STAU2: variants seen among roughly 807,000 people sequenced by gnomAD.
STAU2 encodes the protein double-stranded RNA-binding protein Staufen homolog 2.
A neutral mutation model predicts 65.9 loss-of-function variants in STAU2; 20 were observed. The observed-to-expected ratio is 0.30, with a 90% CI of 0.21 to 0.44. STAU2 has a LOEUF of 0.44. Ranked by LOEUF, STAU2 falls within the 20% of genes least tolerant of loss-of-function variation. STAU2 has a pLI of 1.00. For synonymous variants in STAU2, 232 were observed against 233.9 expected, an observed-to-expected ratio of 0.99 and a Z score of 0.07; for missense variants, 558 against 683.9, an observed-to-expected ratio of 0.82 and a Z score of 2.05.
chr8:73,610,825 G>A (rs557024944), intron 9 of STAU2, among the ~76,000 whole-genome samples: 2 of 152,286 alleles, frequency 1.3e-5, no homozygotes, highest in South Asian at 4.1e-4. Flanking sequence ...CATGTTAACA[G>A]GATAACCCTA....
chr8:73,658,954 AAC>A (rs1491378617), intron 6 of STAU2, among the ~76,000 whole-genome samples: 1 of 150,250 alleles, frequency 6.7e-6, no homozygotes, highest in East Asian at 2.0e-4. Context: ...AAAAAAAAAA[AAC>A]CAACCATACT....
chr8:73,747,242 C>A (rs1042707897), upstream of STAU2: 2 of 965,624 alleles, frequency 2.1e-6, no homozygotes, highest in Non-Finnish European at 1.5e-6. Context: ...TCCTCGTCCC[C>A]GGCGCGACTC....
chr8:73,559,158 T>C (rs897595306), intron 12 of STAU2, among the ~76,000 whole-genome samples: 1 of 152,226 alleles, frequency 6.6e-6, no homozygotes, highest in Non-Finnish European at 1.5e-5. Context: ...ACTATAGTTA[T>C]ATAAGACATC....
chr8:73,688,223 C>T (rs1195310885), intron 5 of STAU2, among the ~76,000 whole-genome samples: 2 of 148,512 alleles, frequency 1.3e-5, no homozygotes, highest in Non-Finnish European at 3.0e-5. Flanking sequence ...GTTGCCCAGG[C>T]TGGAGTGCAA....
At chr8:73,592,467 CCTAT>C (rs1193053422) in intron 11 of STAU2, among the ~76,000 whole-genome samples, 2 of 151,794 alleles carry the variant, frequency 1.3e-5, no homozygotes, top group Admixed American at 6.6e-5. Flanking sequence ...CCTAAGTAAC[CCTAT>C]CTATTTTTAA....
rs143763075 is a variant in STAU2 at position 73,611,926 on chromosome 8, C to T, written c.891+1818G>A. Reference sequence around the variant, plus strand: ...CGAACTCCTAGCCTCAAATGATCCACCCGCCTCAGCCTCCCAAAAGTGCTG... The same window carrying T: ...CGAACTCCTAGCCTCAAATGATCCATCCGCCTCAGCCTCCCAAAAGTGCTG... On this transcript the variant is annotated intron_variant, in intron 9 of 14. Transcript: ENST00000524300. Among the ~76,000 whole-genome samples, 549 of 152,260 alleles carry T rather than the reference C, an allele frequency of 3.6e-3. 4 individuals carry two copies. The highest frequency in any genetic ancestry group is 0.012 in the African/African-American group (513 of 41,560).
chr8:73,491,171 A>T (rs375017403), intron 13 of STAU2, among the ~76,000 whole-genome samples: 7 of 152,162 alleles, frequency 4.6e-5, no homozygotes, highest in African/African-American at 1.7e-4. Context: ...TGTCACAAAT[A>T]AAAAAAGCAC....
At chr8:73,472,377 G>A (rs1411977679) in intron 13 of STAU2, among the ~76,000 whole-genome samples, 2 of 152,156 alleles carry the variant, frequency 1.3e-5, no homozygotes, top group Non-Finnish European at 2.9e-5. Context: ...AAGGGAAAGT[G>A]AAAAGTTGGC....
At chr8:73,618,259 AAAAGT>A (rs1296164365) in intron 6 of STAU2, among the ~76,000 whole-genome samples, 2 of 152,222 alleles carry the variant, frequency 1.3e-5, no homozygotes, top group Non-Finnish European at 2.9e-5. Context: ...AGATGTAAGA[AAAAGT>A]AAAGAGGAAA....
chr8:73,720,274 A>G (rs1319794496), intron 3 of STAU2, among the ~76,000 whole-genome samples: 1 of 151,842 alleles, frequency 6.6e-6, no homozygotes, highest in Non-Finnish European at 1.5e-5. Flanking sequence ...CTGTCTCAAA[A>G]AAAAAGCTAT....
At chr8:73,595,371 A>C (rs1811108061) in intron 10 of STAU2, 74 bp from the exon 11 acceptor site, 1 of 1,364,670 alleles carries the variant, frequency 7.3e-7, no homozygotes, top group African/African-American at 1.5e-5. Flanking sequence ...TACATCATAA[A>C]GCAATTCTAC....
intron 12 of STAU2, 132 bp downstream of exon 12, chr8:73,582,638 G>A: frequency 1.5e-6 from 1 of 650,106 alleles, no homozygotes. Context: ...CAAACACCAG[G>A]ACTCCTTTGT....
intron 3 of STAU2, among the ~76,000 whole-genome samples, chr8:73,709,743 C>T (rs976630810): frequency 3.3e-5 from 5 of 151,760 alleles, no homozygotes; most frequent in Admixed American, 6.6e-5. Flanking sequence ...TGCCCATGTA[C>T]CTAACACCCA....
intron 13 of STAU2, among the ~76,000 whole-genome samples, chr8:73,498,204 T>A (rs990605506): frequency 6.6e-6 from 1 of 151,858 alleles, no homozygotes; most frequent in Non-Finnish European, 1.5e-5. Context: ...TAGTCACCTA[T>A]AATTCCTCCA....
At chr8:73,435,052 G>A (rs1376752911) in intron 13 of STAU2, among the ~76,000 whole-genome samples, 4 of 128,174 alleles carry the variant, frequency 3.1e-5, no homozygotes, top group African/African-American at 4.7e-5. Flanking sequence ...CCTGGCAGAT[G>A]TCAGCGTTAT....
intron 5 of STAU2, 103 bp from the exon 6 acceptor site, chr8:73,673,345 G>T (rs1393932): frequency 8.8e-7 from 1 of 1,133,868 alleles, no homozygotes. Flanking sequence ...AAGAAGGTAA[G>T]AATGGATGGA....
intron 6 of STAU2, chr8:73,672,042 AG>A (rs1817720011): frequency 6.6e-6 from 1 of 152,162 alleles, no homozygotes; most frequent in African/African-American, 2.4e-5. Flanking sequence ...AAGAAAGAAA[AG>A]AAAAAAAAAT....
At chr8:73,456,429 A>G (rs1819074126) in intron 13 of STAU2, among the ~76,000 whole-genome samples, 1 of 152,220 alleles carries the variant, frequency 6.6e-6, no homozygotes, top group Non-Finnish European at 1.5e-5. Context: ...TCATTCAGTC[A>G]GGTATCTTTT....
At chr8:73,614,668 A>G (rs1333153984) in intron 8 of STAU2, among the ~76,000 whole-genome samples, 3 of 152,192 alleles carry the variant, frequency 2.0e-5, no homozygotes, top group Non-Finnish European at 4.4e-5. Flanking sequence ...TATAAACATC[A>G]GATATCCTAC....
Sources: gnomAD v4.1 joint callset for allele counts (sites outside exome capture counted in the v4.1 genomes callset) on GRCh38, gnomAD v4.1.1 for gene constraint, MANE v1.5 for transcripts, NCBI Gene and HGNC (gene_info 2026-07-23, HGNC 2026-07-21) for gene names.